Variants in TRMT1L observed in about 807,000 individuals in gnomAD.
The protein encoded by TRMT1L is tRNA (guanine(27)-N(2))-dimethyltransferase.
TRMT1L carries 28 observed loss-of-function variants against 81.6 expected under a neutral mutation model. That is an observed-to-expected ratio of 0.34 (90% CI 0.25 to 0.47). The LOEUF (loss-of-function observed/expected upper bound fraction) is 0.47. Ranked by LOEUF, TRMT1L falls within the 20% of genes least tolerant of loss-of-function variation. The pLI is 1.00. For missense variants in TRMT1L, 739 were observed against 877.1 expected (o/e 0.84, Z 1.99); for synonymous variants, 301 against 303.2 (o/e 0.99, Z 0.07).
chr1:185,136,995 A>T (rs1041501022), intron 10 of TRMT1L, among the ~76,000 whole-genome samples: 4 of 123,020 alleles, frequency 3.3e-5, no homozygotes, highest in African/African-American at 6.8e-5. Flanking sequence ...AACACAGATT[A>T]AAAAAAAAGT....
chr1:185,128,709 T>C lies in TRMT1L; in HGVS notation c.1552A>G (p.Ser518Gly), dbSNP rs1360311756. ...TCTATTGCTGTCTTTCCAGGCATGC[T>C]TCCATGACAGTTACAAGGCAGCTGT... is the stretch of plus-strand genomic sequence containing the variant. ...YRQLPCNCHG[S>G]MPGKTAIELG... The change falls in exon 11 of 15, where the codon AGC (serine) becomes GGC (glycine). Residue 518 changes from serine to glycine, a missense_variant. Around this residue, in one of 4 missense-constraint regions of TRMT1L, gnomAD observed 331 missense variants for 462.2 expected, o/e 0.72. Coordinates refer to ENST00000367506, the MANE Select transcript of TRMT1L (RefSeq NM_030934.5). The C allele has an allele frequency of 2.5e-6, 4 of 1,611,896 alleles. No homozygotes were observed. In the South Asian group the frequency reaches 4.4e-5, roughly 18 times the overall value.
At chr1:185,134,967 G>C (rs1029734583) in intron 10 of TRMT1L, among the ~76,000 whole-genome samples, 1 of 152,178 alleles carries the variant, frequency 6.6e-6, no homozygotes, top group Non-Finnish European at 1.5e-5. Flanking sequence ...ATAACATAGA[G>C]ATGGTATAAC....
chr1:185,136,426 A>C (rs1652901998), intron 10 of TRMT1L, among the ~76,000 whole-genome samples: 1 of 152,154 alleles, frequency 6.6e-6, no homozygotes, highest in African/African-American at 2.4e-5. Flanking sequence ...AAAATAAAAA[A>C]ATAGAAAGCG....
intron 2 of TRMT1L, 101 bp from the exon 3 acceptor site, chr1:185,150,593 T>G (rs1257478380): frequency 2.6e-6 from 2 of 773,258 alleles, no homozygotes; most frequent in Non-Finnish European, 4.3e-6. Flanking sequence ...TCCTACTTCT[T>G]AAAGTCTTTC....
At chr1:185,146,557 G>A (rs935664648) in intron 4 of TRMT1L, among the ~76,000 whole-genome samples, 6 of 151,946 alleles carry the variant, frequency 3.9e-5, no homozygotes, top group African/African-American at 1.4e-4. Flanking sequence ...ACTACTTACA[G>A]AATATTTTCT....
intron 10 of TRMT1L, among the ~76,000 whole-genome samples, chr1:185,130,066 A>C: frequency 6.6e-6 from 1 of 152,176 alleles, no homozygotes; most frequent in African/African-American, 2.4e-5. Context: ...AAATAATCTT[A>C]CCATACAAAC....
chr1:185,136,993 T>G (rs1318748562), intron 10 of TRMT1L, among the ~76,000 whole-genome samples: 1 of 149,018 alleles, frequency 6.7e-6, no homozygotes, highest in African/African-American at 2.5e-5. Flanking sequence ...GCAACACAGA[T>G]TAAAAAAAAA....
Position 185,145,423 on chromosome 1 carries a change from A to T in TRMT1L, c.655+16T>A, listed in dbSNP as rs1180696237. On this transcript the variant is annotated intron_variant, in intron 5 of 14. Coordinates refer to ENST00000367506, the MANE Select transcript of TRMT1L (RefSeq NM_030934.5). The stretch of plus-strand genomic sequence containing the variant: ...GGATTTACATATTAATATGTTAATG[A>T]GATTGCTCAACTTACCTGCAATATA... The T allele has an allele frequency of 6.2e-7, 1 of 1,604,184 alleles. No individual in the cohort carries two copies. Among genetic ancestry groups the T allele is most frequent in the Non-Finnish European group, 8.5e-7 (1 of 1,173,114 alleles).
chr1:185,147,325 T>C (rs1653215557), intron 3 of TRMT1L, 79 bp from the exon 4 acceptor site: 2 of 1,087,856 alleles, frequency 1.8e-6, no homozygotes, highest in East Asian at 2.4e-5. Context: ...AGTTTTATTT[T>C]ATAAGAATTG....
Position 185,123,910 on chromosome 1 carries a change from C to T in TRMT1L, c.1769G>A (p.Gly590Asp). 6.7e-7 allele frequency: 1 copy of T among 1,492,788 alleles called. No homozygotes were observed. Among genetic ancestry groups the T allele is most frequent in the South Asian group, 1.3e-5 (1 of 76,966 alleles). 92.5% of individuals were successfully genotyped at this position (1,492,788 alleles called of 1,614,324 possible). ...GTCATCTGTAGTTTTAATAAATACACCATTTTCTTCTAAAAAATAAAGCAA... is the reference window on the plus strand; with the variant it reads ...GTCATCTGTAGTTTTAATAAATACATCATTTTCTTCTAAAAAATAAAGCAA... ...SSNVNKQEEN[G>D]VFIKTTDDTT... Residue 590 changes from glycine to aspartate, a missense_variant, in exon 13 of 15, where the codon GGT (glycine) becomes GAT (aspartate). Physicochemically the swap from Gly to Asp is moderately conservative, Grantham distance 94. This residue lies in a region of TRMT1L where 196 missense variants were observed against 232.6 expected (regional missense o/e 0.84). Coordinates refer to ENST00000367506, the MANE Select transcript of TRMT1L (RefSeq NM_030934.5).
intron 10 of TRMT1L, among the ~76,000 whole-genome samples, chr1:185,132,143 AAAAAAG>A (rs933230242): frequency 1.6e-4 from 25 of 152,180 alleles, no homozygotes; most frequent in African/African-American, 5.3e-4. Context: ...TCCATCTTAA[AAAAAAG>A]AAAAAGAAAA....
At chr1:185,130,208 A>G (rs963413678) in intron 10 of TRMT1L, among the ~76,000 whole-genome samples, 1 of 152,248 alleles carries the variant, frequency 6.6e-6, no homozygotes, top group Non-Finnish European at 1.5e-5. Flanking sequence ...GTAGAAAGAA[A>G]ACTAGTATTT....
intron 5 of TRMT1L, among the ~76,000 whole-genome samples, chr1:185,144,450 T>C (rs1015946630): frequency 6.6e-6 from 1 of 152,010 alleles, no homozygotes; most frequent in Non-Finnish European, 1.5e-5. Flanking sequence ...AGTAACTCCA[T>C]ATGGCTGCAT....
intron 10 of TRMT1L, among the ~76,000 whole-genome samples, chr1:185,136,623 T>C (rs1652906407): frequency 6.6e-6 from 1 of 152,228 alleles, no homozygotes; most frequent in Non-Finnish European, 1.5e-5. Context: ...TATTATTTAC[T>C]TTTATATTAA....
chr1:185,119,536 T>A lies in TRMT1L; in HGVS notation c.*483A>T, dbSNP rs1557982623. On this transcript the variant is annotated 3_prime_UTR_variant, in exon 15 of 15. Coordinates refer to ENST00000367506, the MANE Select transcript of TRMT1L (RefSeq NM_030934.5). ...TGGGTACATATTTTAGTTTTTTAAT[T>A]GTGAAATACATTATGACCTGTAAGA... 6.6e-6 allele frequency: 1 copy of A among 152,322 alleles called. No individual in the cohort carries two copies. The highest frequency in any genetic ancestry group is 1.5e-5 in the Non-Finnish European group (1 of 68,128). The allele number at this position is 152,322 out of a possible 1,614,324, so 9.4% of individuals were successfully genotyped here.
At chr1:185,129,411 G>A (rs1458279272) in intron 10 of TRMT1L, among the ~76,000 whole-genome samples, 2 of 151,918 alleles carry the variant, frequency 1.3e-5, no homozygotes, top group African/African-American at 2.4e-5. Context: ...ATGAATGAGA[G>A]TCCTGATATA....
At chr1:185,150,583 T>C (rs1270563884) in intron 2 of TRMT1L, 91 bp from the exon 3 acceptor site, 1 of 822,462 alleles carries the variant, frequency 1.2e-6, no homozygotes, top group African/African-American at 1.7e-5. Flanking sequence ...GGGCTCCCCC[T>C]CCTACTTCTT....
At chr1:185,136,174 A>G (rs1408021586) in intron 10 of TRMT1L, among the ~76,000 whole-genome samples, 1 of 152,118 alleles carries the variant, frequency 6.6e-6, no homozygotes, top group African/African-American at 2.4e-5. Context: ...CTTTGGGAGG[A>G]TGCGGCGGGC....
intron 5 of TRMT1L, among the ~76,000 whole-genome samples, chr1:185,144,889 GA>G (rs1231837979): frequency 6.6e-6 from 1 of 151,464 alleles, no homozygotes; most frequent in Non-Finnish European, 1.5e-5. Flanking sequence ...ATGCTTCATA[GA>G]AAAATAGTTC....
Sources: allele counts gnomAD v4.1 joint callset (sites outside exome capture counted in the v4.1 genomes callset), GRCh38; gene constraint gnomAD v4.1.1; regional missense constraint gnomAD v4.1.1; transcripts MANE v1.5; gene names NCBI Gene and HGNC (gene_info 2026-07-23, HGNC 2026-07-21).